ITPR2: variants seen among roughly 807,000 people sequenced by gnomAD.
ITPR2 encodes the protein inositol 1,4,5-trisphosphate-gated calcium channel ITPR2.
In ITPR2, 207 loss-of-function variants were observed where a neutral mutation model predicts 317.1. The ratio of observed to expected loss-of-function variants is 0.65; its 90% CI spans 0.58 to 0.73. ITPR2 has a LOEUF of 0.73. Ranked by LOEUF, ITPR2 falls within the 30% of genes least tolerant of loss-of-function variation. ITPR2 has a pLI of 0.00. For synonymous variants in ITPR2, 1,156 were observed against 1,149.1 expected (o/e 1.01, Z -0.12); for missense variants, 2,613 against 3,284.0 (o/e 0.80, Z 4.99).
Position 26,428,104 on chromosome 12 carries a change from G to C in ITPR2, c.6770-16C>G, listed in dbSNP as rs759315598. On this transcript the variant is annotated splice_polypyrimidine_tract_variant and intron_variant, in intron 48 of 56. Transcript: ENST00000381340. ...GAAAGTGTACCTGTAAAATGTGGAA[G>C]AAATTTATTGCTACTAAGAATAAAA... 6.4e-7 allele frequency: 1 copy of C among 1,560,354 alleles called. No individual in the cohort carries two copies. Among genetic ancestry groups the C allele is most frequent in the Non-Finnish European group, 8.7e-7 (1 of 1,155,794 alleles).
At chr12:26,801,425 G>A (rs1294240365) in intron 1 of ITPR2, 2 of 152,642 alleles carry the variant, frequency 1.3e-5, no homozygotes, top group Admixed American at 1.3e-4. Context: ...CTGGGCTTCG[G>A]TTCCTCCATA....
In ITPR2 at chr12:26,621,143, C is replaced by A. The variant is rs1265939299; in HGVS notation, c.3442G>T (p.Gly1148Cys). 3 of 1,613,446 alleles carry A rather than the reference C, an allele frequency of 1.9e-6. No homozygotes were observed. Among genetic ancestry groups the A allele is most frequent in the Non-Finnish European group, 2.5e-6 (3 of 1,179,668 alleles). ...NGEIGESQVK[G>C]GEEPIEESNI... is the part of the protein sequence containing the mutation. ...CGAACCTCAATTGGCTCTTCACCACCTTTCACTTGACTTTCCCCTATTTCT... is the reference window on the plus strand; with the variant it reads ...CGAACCTCAATTGGCTCTTCACCACATTTCACTTGACTTTCCCCTATTTCT... The change falls in exon 26 of 57, where the codon GGT becomes TGT. Residue 1148 changes from glycine (G) to cysteine (C), a missense_variant. Coordinates refer to ENST00000381340, the MANE Select transcript of ITPR2 (RefSeq NM_002223.4).
chr12:26,593,569 C>G (rs1945759773), intron 32 of ITPR2, among the ~76,000 whole-genome samples: 1 of 152,092 alleles, frequency 6.6e-6, no homozygotes, highest in Non-Finnish European at 1.5e-5. Context: ...AAAATATAAA[C>G]AAGAGGGAAA....
At chr12:26,418,199 T>C (rs2136683784) in intron 50 of ITPR2, among the ~76,000 whole-genome samples, 1 of 152,326 alleles carries the variant, frequency 6.6e-6, no homozygotes, top group East Asian at 1.9e-4. Flanking sequence ...GTGCTGGATT[T>C]GTCCCTCATG....
chr12:26,415,538 T>A, intron 50 of ITPR2, 40 bp from the exon 51 acceptor site: 2 of 1,358,918 alleles, frequency 1.5e-6, no homozygotes, highest in African/African-American at 2.9e-5. Context: ...AAAGAAGGCA[T>A]TGGAGGAAAA....
intron 2 of ITPR2, among the ~76,000 whole-genome samples, chr12:26,755,578 A>G (rs941573626): frequency 3.3e-5 from 5 of 152,234 alleles, no homozygotes; most frequent in Non-Finnish European, 7.3e-5. Context: ...AATTTGGAGC[A>G]TATTTGTTTC....
chr12:26,764,553 A>C (rs1430473199), intron 2 of ITPR2, among the ~76,000 whole-genome samples: 1 of 152,044 alleles, frequency 6.6e-6, no homozygotes, highest in African/African-American at 2.4e-5. Flanking sequence ...AAAACTGTGC[A>C]ACAAGTATAC....
At chr12:26,379,538 C>T (rs1057052068) in intron 55 of ITPR2, among the ~76,000 whole-genome samples, 4 of 152,164 alleles carry the variant, frequency 2.6e-5, no homozygotes, top group African/African-American at 9.7e-5. Context: ...TATGGCTGTA[C>T]TGCAATATCT....
chr12:26,521,595 T>C (rs755111886), intron 37 of ITPR2, among the ~76,000 whole-genome samples: 4 of 150,936 alleles, frequency 2.7e-5, no homozygotes, highest in Non-Finnish European at 4.4e-5. Flanking sequence ...TTCAAACACT[T>C]TCCTTTAAAA....
intron 55 of ITPR2, among the ~76,000 whole-genome samples, chr12:26,363,780 A>G (rs952769606): frequency 1.3e-5 from 2 of 152,198 alleles, no homozygotes; most frequent in Non-Finnish European, 2.9e-5. Flanking sequence ...AAAAAAAAAG[A>G]GTCCTACAAA....
chr12:26,782,191 GCTGA>G (rs1565760454), intron 2 of ITPR2, among the ~76,000 whole-genome samples: 1 of 151,302 alleles, frequency 6.6e-6, no homozygotes, highest in Non-Finnish European at 1.5e-5. Flanking sequence ...ATTAGAGAAC[GCTGA>G]CTAACAGAGG....
intron 45 of ITPR2, among the ~76,000 whole-genome samples, chr12:26,470,622 G>A (rs1352140406): frequency 6.6e-6 from 1 of 152,148 alleles, no homozygotes; most frequent in Non-Finnish European, 1.5e-5. Flanking sequence ...TCTATCATAT[G>A]TTAATTCACT....
intron 2 of ITPR2, among the ~76,000 whole-genome samples, chr12:26,764,017 A>C (rs1949678861): frequency 6.6e-6 from 1 of 152,140 alleles, no homozygotes; most frequent in Non-Finnish European, 1.5e-5. Context: ...AACAGATCAA[A>C]GGAACAGAAC....
chr12:26,798,192 G>A (rs1258898624), intron 1 of ITPR2, among the ~76,000 whole-genome samples: 2 of 151,988 alleles, frequency 1.3e-5, no homozygotes, highest in Non-Finnish European at 2.9e-5. Context: ...TCTTTCACCT[G>A]CACTTAGAAG....
chr12:26,751,275 A>G (rs1366445634), intron 2 of ITPR2, among the ~76,000 whole-genome samples: 1 of 152,238 alleles, frequency 6.6e-6, no homozygotes, highest in Non-Finnish European at 1.5e-5. Context: ...CAAAAAGTTG[A>G]AAGATCATGT....
At chr12:26,484,424 T>G (rs1942616406) in intron 41 of ITPR2, among the ~76,000 whole-genome samples, 1 of 152,134 alleles carries the variant, frequency 6.6e-6, no homozygotes, top group Admixed American at 6.6e-5. Context: ...ATCAATATTT[T>G]AAGTTAACAT....
chr12:26,503,571 G>C (rs1372530474), intron 37 of ITPR2, among the ~76,000 whole-genome samples: 1 of 152,172 alleles, frequency 6.6e-6, no homozygotes, highest in Non-Finnish European at 1.5e-5. Context: ...GACCTTAGTG[G>C]AAATGATGTC....
intron 2 of ITPR2, among the ~76,000 whole-genome samples, chr12:26,785,688 G>A (rs1438733467): frequency 7.2e-4 from 21 of 29,136 alleles, no homozygotes; most frequent in Admixed American, 7.9e-4. Context: ...CAGCCGCCCC[G>A]TCCGGGAGGG....
intron 13 of ITPR2, among the ~76,000 whole-genome samples, chr12:26,678,958 A>G (rs1947972132): frequency 6.6e-6 from 1 of 152,192 alleles, no homozygotes; most frequent in Admixed American, 6.5e-5. Flanking sequence ...AGCAAGGGAG[A>G]CTTTTTAAGT....
Sources: allele counts gnomAD v4.1 joint callset (sites outside exome capture counted in the v4.1 genomes callset), GRCh38; gene constraint gnomAD v4.1.1; transcripts MANE v1.5; gene names NCBI Gene and HGNC (gene_info 2026-07-23, HGNC 2026-07-21).